Variants in RAB3C observed in about 807,000 individuals in gnomAD.
The protein encoded by RAB3C is ras-related protein Rab-3C.
Under a neutral mutation model 26.4 loss-of-function variants are expected in RAB3C, and 17 were observed. That is an observed-to-expected ratio of 0.64 (90% CI 0.44 to 0.97). RAB3C has a LOEUF of 0.97. Ranked by LOEUF, RAB3C falls within the 50% of genes least tolerant of loss-of-function variation. RAB3C has a pLI of 0.00. For missense variants in RAB3C, 242 were observed against 281.9 expected (o/e 0.86, Z 1.01); for synonymous variants, 91 against 95.9 (o/e 0.95, Z 0.30).
At chr5:58,771,530 T>C (rs924694827) in intron 3 of RAB3C, among the ~76,000 whole-genome samples, 6 of 152,102 alleles carry the variant, frequency 3.9e-5, no homozygotes, top group Non-Finnish European at 8.8e-5. Flanking sequence ...TTGTATTATT[T>C]AGCAACAAAT....
At chr5:58,678,199 A>G (rs1748268952) in intron 2 of RAB3C, among the ~76,000 whole-genome samples, 1 of 152,176 alleles carries the variant, frequency 6.6e-6, no homozygotes, top group South Asian at 2.1e-4. Context: ...CTAAATTCCT[A>G]AGTATTTTTC....
At chr5:58,601,875 A>T in intron 1 of RAB3C, among the ~76,000 whole-genome samples, 1 of 145,596 alleles carries the variant, frequency 6.9e-6, no homozygotes, top group African/African-American at 2.5e-5. Flanking sequence ...GATCTTGGTT[A>T]TTTCCTTCCT....
At chr5:58,762,794 A>G (rs570049477) in intron 3 of RAB3C, among the ~76,000 whole-genome samples, 4 of 152,330 alleles carry the variant, frequency 2.6e-5, no homozygotes, top group African/African-American at 7.2e-5. Context: ...GAGTTTTCCT[A>G]CTAATAACTA....
At chr5:58,801,912 CACA>C (rs1293175577) in intron 3 of RAB3C, among the ~76,000 whole-genome samples, 1 of 152,180 alleles carries the variant, frequency 6.6e-6, no homozygotes, top group African/African-American at 2.4e-5. Flanking sequence ...GACTTCATGC[CACA>C]ACAACAAGAA....
At chr5:58,802,539 C>T in intron 3 of RAB3C, among the ~76,000 whole-genome samples, 1 of 152,216 alleles carries the variant, frequency 6.6e-6, no homozygotes, top group African/African-American at 2.4e-5. Flanking sequence ...TTAGAAGTTG[C>T]AACCGTTCTT....
intron 2 of RAB3C, among the ~76,000 whole-genome samples, chr5:58,719,231 A>C (rs1336653086): frequency 2.0e-5 from 3 of 152,064 alleles, no homozygotes. Flanking sequence ...CATTAGAATA[A>C]GAGAGAAATA....
chr5:58,726,306 G>T (rs185312595), intron 3 of RAB3C, among the ~76,000 whole-genome samples, 186 bp downstream of exon 3: 1 of 151,918 alleles, frequency 6.6e-6, no homozygotes, highest in African/African-American at 2.4e-5. Flanking sequence ...GGATTGATAA[G>T]AAGTCATTCT....
At chr5:58,831,796 C>A (rs1743618816) in intron 4 of RAB3C, among the ~76,000 whole-genome samples, 1 of 151,982 alleles carries the variant, frequency 6.6e-6, no homozygotes, top group Non-Finnish European at 1.5e-5. Flanking sequence ...AAGGAAAACC[C>A]AAGGCGGGGA....
intron 3 of RAB3C, among the ~76,000 whole-genome samples, chr5:58,734,002 T>G (rs1561304041): frequency 6.6e-6 from 1 of 152,190 alleles, no homozygotes; most frequent in Non-Finnish European, 1.5e-5. Flanking sequence ...TATGATACAA[T>G]GAGGAACTAT....
At chr5:58,662,048 C>CT (rs1747915399) in intron 2 of RAB3C, among the ~76,000 whole-genome samples, 1 of 149,912 alleles carries the variant, frequency 6.7e-6, no homozygotes, top group African/African-American at 2.5e-5. Context: ...GTGATGAGAT[C>CT]TTTTTTAGAA....
intron 3 of RAB3C, among the ~76,000 whole-genome samples, chr5:58,729,030 C>T (rs1261298247): frequency 6.6e-6 from 1 of 151,948 alleles, no homozygotes; most frequent in South Asian, 2.1e-4. Context: ...TAAAAGATAT[C>T]TCTACCCCTT....
intron 1 of RAB3C, among the ~76,000 whole-genome samples, chr5:58,616,368 C>G (rs1746825922): frequency 6.6e-6 from 1 of 152,056 alleles, no homozygotes; most frequent in Non-Finnish European, 1.5e-5. Context: ...TAGTGGCTAC[C>G]ATATTAAACA....
At chr5:58,764,223 C>T (rs1741852539) in intron 3 of RAB3C, among the ~76,000 whole-genome samples, 1 of 152,152 alleles carries the variant, frequency 6.6e-6, no homozygotes, top group Non-Finnish European at 1.5e-5. Context: ...CATGCGTCAC[C>T]TTTGTGTAAA....
rs185206813 is a variant in RAB3C, at chr5:58,628,697, T to C, written c.252+10827T>C. On this transcript the variant is annotated intron_variant, in intron 2 of 4. Coordinates refer to ENST00000282878, the MANE Select transcript of RAB3C (RefSeq NM_138453.4). ...TTAGTCCCCGGAGCACAGGGTAGGGTGAGATTTGGTAAGGAGTGGATCTGG... is the reference window on the plus strand; with the variant it reads ...TTAGTCCCCGGAGCACAGGGTAGGGCGAGATTTGGTAAGGAGTGGATCTGG... Among the ~76,000 whole-genome samples, 407 of 151,770 alleles carry C rather than the reference T, an allele frequency of 2.7e-3. 2 individuals are homozygous for C. The highest frequency in any genetic ancestry group is 9.5e-3 in the African/African-American group (393 of 41,352).
At chr5:58,674,235 T>A (rs1486392625) in intron 2 of RAB3C, among the ~76,000 whole-genome samples, 1 of 152,228 alleles carries the variant, frequency 6.6e-6, no homozygotes, top group Non-Finnish European at 1.5e-5. Flanking sequence ...GAATGTTCTA[T>A]GTGAATCATC....
At chr5:58,732,097 TTG>T (rs1298129473) in intron 3 of RAB3C, among the ~76,000 whole-genome samples, 8 of 126,952 alleles carry the variant, frequency 6.3e-5, no homozygotes, top group East Asian at 2.5e-4. Context: ...TTTTTCTGTT[TTG>T]TTTTTTTTTT....
At chr5:58,848,620 A>G (rs1744052609) in intron 4 of RAB3C, 1 of 152,226 alleles carries the variant, frequency 6.6e-6, no homozygotes, top group African/African-American at 2.4e-5. Flanking sequence ...TCTGAATAGT[A>G]CCTATTATAT....
chr5:58,702,618 C>G (rs1017851944), intron 2 of RAB3C, among the ~76,000 whole-genome samples: 10 of 152,078 alleles, frequency 6.6e-5, no homozygotes, highest in Non-Finnish European at 1.3e-4. Context: ...CACACACATC[C>G]TTCTCTTTCT....
intron 2 of RAB3C, among the ~76,000 whole-genome samples, chr5:58,646,431 T>C (rs1747520501): frequency 6.6e-6 from 1 of 152,026 alleles, no homozygotes; most frequent in Admixed American, 6.6e-5. Flanking sequence ...TAAGAAAATC[T>C]ATTATACATA....
Sources: gnomAD v4.1 joint callset for allele counts (sites outside exome capture counted in the v4.1 genomes callset) on GRCh38, gnomAD v4.1.1 for gene constraint, MANE v1.5 for transcripts, NCBI Gene and HGNC (gene_info 2026-07-23, HGNC 2026-07-21) for gene names.